DOCK1: variants seen among roughly 807,000 people sequenced by gnomAD.
The protein encoded by DOCK1 is dedicator of cytokinesis 1.
DOCK1 carries 138 observed loss-of-function variants against 262.7 expected under a neutral mutation model. The observed-to-expected ratio is 0.53, with a 90% CI of 0.46 to 0.61. DOCK1 has a LOEUF of 0.61. Among genes scored for constraint, DOCK1 ranks in the 20% least tolerant of loss-of-function variants. DOCK1 has a pLI of 0.00. For synonymous variants in DOCK1, 866 were observed against 867.4 expected (o/e 1.00, Z 0.03); for missense variants, 1,908 against 2,370.7 (o/e 0.80, Z 4.05).
chr10:127,280,412 GTTTT>G (rs954724352), intron 29 of DOCK1, among the ~76,000 whole-genome samples: 6 of 151,818 alleles, frequency 4.0e-5, no homozygotes, highest in Admixed American at 3.9e-4. Flanking sequence ...ATTTTTTAAG[GTTTT>G]TTTTATTTTG....
intron 27 of DOCK1, among the ~76,000 whole-genome samples, chr10:127,169,812 C>G (rs1238701128): frequency 6.6e-6 from 1 of 152,194 alleles, no homozygotes; most frequent in African/African-American, 2.4e-5. Flanking sequence ...TGTATGTGCA[C>G]ATGACCTTCC....
intron 23 of DOCK1, among the ~76,000 whole-genome samples, chr10:127,098,256 C>G (rs537332289): frequency 1.2e-4 from 18 of 152,348 alleles, no homozygotes; most frequent in Admixed American, 9.1e-4. Context: ...TCAATGTCCT[C>G]AATTTCTATC....
Position 126,995,443 on chromosome 10 carries a change from A to G in DOCK1, c.474-1305A>G, listed in dbSNP as rs1008250877. Among the ~76,000 whole-genome samples, 2 of 152,206 alleles carry G rather than the reference A, an allele frequency of 1.3e-5. No homozygotes were observed. The highest frequency in any genetic ancestry group is 1.3e-4 in the Admixed American group (2 of 15,286). On this transcript the variant is annotated intron_variant, in intron 6 of 51. Transcript: ENST00000623213. This position sits in a 1 kb window ranked among gnomAD's most constrained non-coding sequence, Gnocchi z 5.8. ...CACTCACGGTCAGGAGCTGGAGACC[A>G]GCCGGGCCAACCCGGTGAAACCCCG...
At chr10:127,399,534 T>TA (rs1381776729) in intron 38 of DOCK1, among the ~76,000 whole-genome samples, 1 of 150,432 alleles carries the variant, frequency 6.6e-6, no homozygotes, top group Non-Finnish European at 1.5e-5. Context: ...TGATAGAAGA[T>TA]ACCACCATGC....
At chr10:127,157,583 G>A (rs1041312007) in intron 27 of DOCK1, among the ~76,000 whole-genome samples, 6 of 152,166 alleles carry the variant, frequency 3.9e-5, no homozygotes. Flanking sequence ...ACCAATTCCT[G>A]AGAAATGGTT....
In DOCK1 at chr10:127,031,686, T is replaced by G. The variant is rs765628505; in HGVS notation, c.1661T>G (p.Phe554Cys). 1 of 1,612,722 alleles carries G rather than the reference T, an allele frequency of 6.2e-7. No homozygotes were observed. The highest frequency in any genetic ancestry group is 1.1e-5 in the South Asian group (1 of 90,662). ...DKSEKIFALA[F>C]VKLMRYDGTT... is the part of the protein sequence containing the mutation. The stretch of plus-strand genomic sequence containing the variant: ...TCTGAGAAAATATTTGCACTAGCAT[T>G]TGTCAAGCTGATGAGATACGATGGT... The change falls in exon 17 of 52, where the codon TTT (phenylalanine) becomes TGT (cysteine). Residue 554 changes from phenylalanine to cysteine, a missense_variant. Coordinates refer to ENST00000623213, the MANE Select transcript of DOCK1 (RefSeq NM_001290223.2).
intron 38 of DOCK1, among the ~76,000 whole-genome samples, chr10:127,387,737 G>A (rs11017779): frequency 0.31 from 46,445 of 152,088 alleles, 7,489 homozygotes; most frequent in Admixed American, 0.46. Context: ...ATGGACGTGT[G>A]TGGAAAGAAT....
At chr10:127,388,170 A>C (rs1319251462) in intron 38 of DOCK1, among the ~76,000 whole-genome samples, 3 of 152,228 alleles carry the variant, frequency 2.0e-5, no homozygotes, top group Non-Finnish European at 4.4e-5. Context: ...AAAGCAAAAC[A>C]GACTCAAGGA....
intron 29 of DOCK1, among the ~76,000 whole-genome samples, chr10:127,274,345 C>T (rs1397829593): frequency 2.0e-5 from 3 of 152,204 alleles, no homozygotes; most frequent in Non-Finnish European, 2.9e-5. Flanking sequence ...GGTGATAGCC[C>T]GCATTCATTT....
intron 27 of DOCK1, among the ~76,000 whole-genome samples, chr10:127,201,330 C>T (rs975624026): frequency 1.3e-5 from 2 of 152,198 alleles, no homozygotes; most frequent in African/African-American, 2.4e-5. Flanking sequence ...TCCTGGCAGC[C>T]GAGCCGTGTT....
intron 23 of DOCK1, among the ~76,000 whole-genome samples, chr10:127,069,265 C>G (rs1018085952): frequency 2.0e-5 from 3 of 152,178 alleles, no homozygotes; most frequent in Admixed American, 2.0e-4. Context: ...GAGCCACTTC[C>G]CTCTCTCAGA....
intron 29 of DOCK1, among the ~76,000 whole-genome samples, chr10:127,264,595 C>T (rs975264524): frequency 1.3e-5 from 2 of 152,086 alleles, no homozygotes; most frequent in South Asian, 2.1e-4. Context: ...AGACGGTTGC[C>T]GGGTTCTCAC....
intron 33 of DOCK1, among the ~76,000 whole-genome samples, chr10:127,367,884 A>G (rs1271481815): frequency 1.3e-5 from 2 of 151,654 alleles, no homozygotes; most frequent in Non-Finnish European, 2.9e-5. Flanking sequence ...CAGTGTGGAT[A>G]CTCCAAGCCA....
At chr10:127,377,913 GA>G (rs2065603449) in intron 35 of DOCK1, among the ~76,000 whole-genome samples, 1 of 145,438 alleles carries the variant, frequency 6.9e-6, no homozygotes, top group Non-Finnish European at 1.5e-5. Context: ...AAAAAAAGAA[GA>G]AAGAAAATGA....
intron 48 of DOCK1, among the ~76,000 whole-genome samples, chr10:127,435,740 T>A (rs1243577915): frequency 6.6e-6 from 1 of 152,234 alleles, no homozygotes; most frequent in Non-Finnish European, 1.5e-5. Flanking sequence ...GTTTAACCTT[T>A]AACTGGAAGG....
chr10:126,944,227 A>C (rs1447466929), intron 1 of DOCK1, among the ~76,000 whole-genome samples: 1 of 150,914 alleles, frequency 6.6e-6, no homozygotes, highest in Non-Finnish European at 1.5e-5. Flanking sequence ...GGAAGTGTCT[A>C]GGCCTGGATG....
intron 29 of DOCK1, among the ~76,000 whole-genome samples, chr10:127,295,875 A>T (rs2061488967): frequency 6.6e-6 from 1 of 152,206 alleles, no homozygotes; most frequent in South Asian, 2.1e-4. Flanking sequence ...AGTGTTGACA[A>T]CATGAAAAAC....
intron 23 of DOCK1, among the ~76,000 whole-genome samples, chr10:127,101,896 G>C (rs979918528): frequency 1.3e-5 from 2 of 152,194 alleles, no homozygotes; most frequent in Non-Finnish European, 2.9e-5. Flanking sequence ...CAATCAGCCT[G>C]TGTGAACGCT....
At chr10:126,949,078 G>C (rs1451221877) in intron 1 of DOCK1, among the ~76,000 whole-genome samples, 4 of 152,124 alleles carry the variant, frequency 2.6e-5, no homozygotes, top group African/African-American at 7.2e-5. Flanking sequence ...TTCTGGGAGT[G>C]GTGCACGTTC....
Sources: gnomAD v4.1 joint callset for allele counts (sites outside exome capture counted in the v4.1 genomes callset) on GRCh38, gnomAD v4.1.1 for gene constraint, Gnocchi (gnomAD v3.1) non-coding constraint, MANE v1.5 for transcripts, NCBI Gene and HGNC (gene_info 2026-07-23, HGNC 2026-07-21) for gene names.